TTC7B: variants seen among roughly 807,000 people sequenced by gnomAD.
TTC7B encodes the protein tetratricopeptide repeat domain 7B.
In TTC7B, 28 loss-of-function variants were observed where a neutral mutation model predicts 106.8. The ratio of observed to expected loss-of-function variants is 0.26; its 90% confidence interval spans 0.19 to 0.36. The LOEUF (loss-of-function observed/expected upper bound fraction) is 0.36, where lower values mean the gene tolerates loss of function less well. TTC7B is among the 10% of genes least tolerant of loss of function. The pLI, the probability that TTC7B is intolerant of heterozygous loss-of-function variation, is 1.00. For missense variants in TTC7B, 862 were observed against 1,076.4 expected (o/e 0.80, Z 2.79); for synonymous variants, 405 against 430.6 (o/e 0.94, Z 0.74).
Position 90,531,316 on chromosome 14 carries a change from A to G in TTC7B, c.*10052T>C, listed in dbSNP as rs1373807153. On this transcript the variant is annotated 3_prime_UTR_variant, in exon 20 of 20. Transcript: ENST00000328459. ...CTGGGCACAGTGGCTCACGCCTGTA[A>G]TCCCAGCACTTTGGGAGGCTGAGGC... The G allele has an allele frequency of 6.6e-6, 1 of 152,234 alleles. No individual in the cohort carries two copies. Among genetic ancestry groups the G allele is most frequent in the South Asian group, 2.1e-4 (1 of 4,832 alleles). 9.4% of individuals were successfully genotyped at this position (152,234 alleles called of 1,614,324 possible).
At chr14:90,791,190 A>G (rs1891574844) in intron 1 of TTC7B, among the ~76,000 whole-genome samples, 1 of 152,062 alleles carries the variant, frequency 6.6e-6, no homozygotes, top group Admixed American at 6.6e-5. Context: ...ACACCTACGA[A>G]TATTCCAAGC....
In TTC7B at chr14:90,780,722, A is replaced by G; in HGVS notation, c.445+16T>C. On this transcript the variant is annotated intron_variant, in intron 3 of 19. Transcript: ENST00000328459. Reference sequence around the variant, plus strand: ...TCCAGGTCACGGGACACTGTGTTAGAAGGCACGGGCCTCACCTTTGGTAGC... The same window carrying G: ...TCCAGGTCACGGGACACTGTGTTAGGAGGCACGGGCCTCACCTTTGGTAGC... 6.2e-7 allele frequency: 1 copy of G among 1,612,038 alleles called. No homozygotes were observed. Among genetic ancestry groups the G allele is most frequent in the Non-Finnish European group, 8.5e-7 (1 of 1,179,218 alleles).
At chr14:90,613,339 G>A (rs1413278982) in intron 16 of TTC7B, among the ~76,000 whole-genome samples, 1 of 152,018 alleles carries the variant, frequency 6.6e-6, no homozygotes, top group African/African-American at 2.4e-5. Context: ...ACTGTAGTGA[G>A]CTATGATCAT....
chr14:90,536,459 T>G lies in TTC7B; in HGVS notation c.*4909A>C, dbSNP rs1889421976. The G allele has an allele frequency of 6.6e-6, 1 of 152,444 alleles. No individual in the cohort carries two copies. The highest frequency in any genetic ancestry group is 2.4e-5 in the African/African-American group (1 of 41,446). The allele number at this position is 152,444 out of a possible 1,614,324, so 9.4% of individuals were successfully genotyped here. ...CCCCTCAGAGGCTCCACAGGCATTT[T>G]GTATTCAACCTGCCTGAAAGCAGAC... On this transcript the variant is annotated 3_prime_UTR_variant, in exon 20 of 20. Transcript: ENST00000328459.
intron 5 of TTC7B, among the ~76,000 whole-genome samples, chr14:90,704,892 T>C (rs1342996587): frequency 6.6e-6 from 1 of 152,174 alleles, no homozygotes; most frequent in East Asian, 1.9e-4. Context: ...GAGTTCACAC[T>C]CACTCACTCC....
Position 90,644,153 on chromosome 14 carries a change from G to T in TTC7B, c.1646C>A (p.Ala549Asp). The T allele has an allele frequency of 6.2e-7, 1 of 1,613,654 alleles. No homozygotes were observed. Among genetic ancestry groups the T allele is most frequent in the Non-Finnish European group, 8.5e-7 (1 of 1,179,834 alleles). The change falls in exon 15 of 20, where the codon GCC becomes GAC. Residue 549 changes from alanine (A) to aspartate (D), a missense_variant. Ala to Asp is a moderately radical substitution (Grantham distance 126). Transcript: ENST00000328459. ...GAGGGCAAGGAGGTGCAGGGAGTTG[G>T]CATCGTCACCTTGAAGCTGAAGAGC... is the stretch of plus-strand genomic sequence containing the variant. Reference protein sequence around the residue: ...RQALQLQGDDANSLHLLALLL... With the variant: ...RQALQLQGDDDNSLHLLALLL...
intron 9 of TTC7B, among the ~76,000 whole-genome samples, chr14:90,669,314 A>G (rs1012256477): frequency 2.0e-5 from 3 of 152,246 alleles, no homozygotes; most frequent in Non-Finnish European, 2.9e-5. Flanking sequence ...ATGGATTCTT[A>G]GTTATGACAC....
At chr14:90,607,475 C>G (rs1892691693) in intron 17 of TTC7B, among the ~76,000 whole-genome samples, 1 of 152,198 alleles carries the variant, frequency 6.6e-6, no homozygotes, top group Admixed American at 6.5e-5. Context: ...TTCTCCCAGG[C>G]CACATTTGAT....
chr14:90,757,700 G>A lies in TTC7B; in HGVS notation c.446-12778C>T, dbSNP rs1240091285. Among the ~76,000 whole-genome samples, 1 of 152,118 alleles carries A rather than the reference G, an allele frequency of 6.6e-6. No homozygotes were observed. The highest frequency in any genetic ancestry group is 2.4e-5 in the African/African-American group (1 of 41,408). On this transcript the variant is annotated intron_variant, in intron 3 of 19. Coordinates refer to ENST00000328459, the MANE Select transcript of TTC7B (RefSeq NM_001010854.2). This position sits in a 1 kb window ranked among gnomAD's most constrained non-coding sequence, Gnocchi z 4.1. ...TCAGTGGTCACTTGTCTGTCCTACG[G>A]CTCTAGGATGACACCTAGAAGATCA...
At chr14:90,811,407 T>A (rs1286307) in intron 1 of TTC7B, among the ~76,000 whole-genome samples, 113,704 of 151,944 alleles carry the variant, frequency 0.75, 42,895 homozygotes, top group Middle Eastern at 0.83. Context: ...CCCACAGCAG[T>A]GACTCTCAGT....
At chr14:90,546,355 C>T (rs1011112850) in intron 19 of TTC7B, among the ~76,000 whole-genome samples, 17 of 152,266 alleles carry the variant, frequency 1.1e-4, no homozygotes, top group African/African-American at 3.4e-4. Flanking sequence ...TCTAGGGGCC[C>T]GGCTTGCTCT....
At chr14:90,641,304 AAC>A (rs1885160727) in intron 15 of TTC7B, among the ~76,000 whole-genome samples, 4 of 152,206 alleles carry the variant, frequency 2.6e-5, no homozygotes, top group African/African-American at 7.2e-5. Context: ...CTAACTGCCC[AAC>A]AGGTGGACAG....
chr14:90,638,438 A>G (rs187510596), intron 15 of TTC7B, among the ~76,000 whole-genome samples: 4 of 152,372 alleles, frequency 2.6e-5, no homozygotes, highest in East Asian at 3.9e-4. Context: ...CTTCGCAACA[A>G]GTACATAGTA....
intron 9 of TTC7B, chr14:90,676,222 A>G (rs1388148742): frequency 5.4e-6 from 1 of 183,664 alleles, no homozygotes; most frequent in Non-Finnish European, 9.8e-6. Flanking sequence ...CACAGATGGG[A>G]GATTTTCAGT....
intron 1 of TTC7B, among the ~76,000 whole-genome samples, chr14:90,798,709 C>CAAAAAAAAA (rs36223089): frequency 1.5e-4 from 8 of 52,302 alleles, no homozygotes; most frequent in Admixed American, 3.3e-4. Flanking sequence ...GACTCCATCT[C>CAAAAAAAAA]AAAAAAAAAA....
intron 3 of TTC7B, among the ~76,000 whole-genome samples, chr14:90,756,900 G>T (rs553444362): frequency 6.6e-6 from 1 of 152,148 alleles, no homozygotes; most frequent in African/African-American, 2.4e-5. Context: ...TATGAATATG[G>T]GTCAGTGGCA....
At chr14:90,646,619 T>C (rs898328693) in intron 14 of TTC7B, among the ~76,000 whole-genome samples, 2 of 152,198 alleles carry the variant, frequency 1.3e-5, no homozygotes, top group African/African-American at 4.8e-5. Flanking sequence ...CTGGTTCCTG[T>C]TGGCAAGGGA....
intron 16 of TTC7B, among the ~76,000 whole-genome samples, chr14:90,611,336 G>A (rs752790073): frequency 3.3e-5 from 5 of 152,146 alleles, no homozygotes; most frequent in Admixed American, 1.3e-4. Context: ...ACTGTGAACC[G>A]AACAAATCAA....
In TTC7B at chr14:90,570,811, C is replaced by A. The variant is rs1484696551; in HGVS notation, c.2310+7295G>T. 6.6e-6 allele frequency among the ~76,000 whole-genome samples: 1 copy of A among 152,178 alleles called. No homozygotes were observed. The highest frequency in any genetic ancestry group is 1.5e-5 in the Non-Finnish European group (1 of 68,040). ...ACCCTGCTAACTCATTTAACCCGCA[C>A]AGCAACACCACCGGGCACTGTTATT... On this transcript the variant is annotated intron_variant, in intron 19 of 19. Transcript: ENST00000328459. This position sits in a 1 kb window ranked among gnomAD's most constrained non-coding sequence, Gnocchi z 4.0.
Sources: allele counts gnomAD v4.1 joint callset (sites outside exome capture counted in the v4.1 genomes callset), GRCh38; gene constraint gnomAD v4.1.1; non-coding constraint Gnocchi (gnomAD v3.1); transcripts MANE v1.5; gene names NCBI Gene and HGNC (gene_info 2026-07-23, HGNC 2026-07-21).